Variants in TCF20 observed in about 807,000 individuals in gnomAD.
TCF20 encodes the protein transcription factor 20, also known as SPRE-binding protein.
Under a neutral mutation model 148.6 loss-of-function variants are expected in TCF20, and 3 were observed. That is an observed-to-expected ratio of 0.02 (90% confidence interval 0.01 to 0.05). The LOEUF (loss-of-function observed/expected upper bound fraction) is 0.05, where lower values mean the gene tolerates loss of function less well. Among genes scored for constraint, TCF20 ranks in the 10% least tolerant of loss-of-function variants. TCF20 has a pLI of 1.00. For synonymous variants in TCF20, 1,049 were observed against 909.5 expected (o/e 1.15, Z -2.76); for missense variants, 2,350 against 2,429.3 (o/e 0.97, Z 0.69).
At chr22:42,232,445 T>C (rs975092909) in intron 1 of TCF20, among the ~76,000 whole-genome samples, 1 of 150,998 alleles carries the variant, frequency 6.6e-6, no homozygotes, top group African/African-American at 2.4e-5. Context: ...GTGCCAGAGA[T>C]GAAAATTAGA....
chr22:42,278,269 C>A (rs1331680667), intron 1 of TCF20: 1 of 152,216 alleles, frequency 6.6e-6, no homozygotes, highest in African/African-American at 2.4e-5. Flanking sequence ...GCAGTTTCAT[C>A]TCACACGGGC....
intron 1 of TCF20, among the ~76,000 whole-genome samples, chr22:42,229,239 A>G (rs1476649129): frequency 6.6e-6 from 1 of 152,208 alleles, no homozygotes; most frequent in African/African-American, 2.4e-5. Context: ...AGAGATGTCC[A>G]TAATTATGGA....
intron 1 of TCF20, among the ~76,000 whole-genome samples, chr22:42,242,227 A>AAAAAAT (rs1491280192): frequency 0.036 from 4,457 of 122,464 alleles, 458 homozygotes; most frequent in African/African-American, 0.078. Flanking sequence ...AAAAAAAAAA[A>AAAAAAT]CAGAAAAGAA....
chr22:42,284,688 T>C (rs950256154), upstream of TCF20, among the ~76,000 whole-genome samples: 4 of 152,092 alleles, frequency 2.6e-5, no homozygotes, highest in Admixed American at 2.6e-4. Context: ...TTGTCCCAAG[T>C]CCCATCTCAG....
chr22:42,206,191 G>A (rs181027397), intron 2 of TCF20, among the ~76,000 whole-genome samples: 1 of 152,316 alleles, frequency 6.6e-6, no homozygotes, highest in East Asian at 1.9e-4. Flanking sequence ...ACTGGGCTGA[G>A]ATATGTTAAT....
chr22:42,223,764 GTTTGT>G (rs879773496), intron 1 of TCF20, among the ~76,000 whole-genome samples: 15 of 152,236 alleles, frequency 9.9e-5, no homozygotes, highest in Admixed American at 4.6e-4. Flanking sequence ...CACCTGTATC[GTTTGT>G]TTTGTGTATG....
rs543826971 is a variant in TCF20 at position 42,176,543 on chromosome 22, G to A, written c.5749+3066C>T. ...TCCTATGGACAGCGTGGCTGCCTCCGTGGACAGCCCTGCTTCTCTCCTGGG... is the reference window on the plus strand; with the variant it reads ...TCCTATGGACAGCGTGGCTGCCTCCATGGACAGCCCTGCTTCTCTCCTGGG... On this transcript the variant is annotated intron_variant, in intron 3 of 5. Coordinates refer to ENST00000677622, the MANE Select transcript of TCF20 (RefSeq NM_001378418.1). 1.8e-3 allele frequency among the ~76,000 whole-genome samples: 275 copies of A among 152,214 alleles called. 3 individuals carry two copies. The highest frequency in any genetic ancestry group is 3.5e-3 in the Non-Finnish European group (237 of 68,014).
At position 42,338,417 on chromosome 22, in the gene TCF20, G is replaced by T. The variant is rs971884424; in HGVS notation, c.-37+5062C>A. Among the ~76,000 whole-genome samples, 10 of 23,620 alleles carry T rather than the reference G, an allele frequency of 4.2e-4. No individual in the cohort carries two copies. The Admixed American group carries it at 5.1e-3, about 12-fold the overall frequency. 15.5% of individuals were successfully genotyped at this position (23,620 alleles called of 152,430 possible). On this transcript the variant is annotated intron_variant, in intron 1 of 1. Coordinates refer to the TCF20 transcript ENST00000515426. This position sits in a 1 kb window ranked among gnomAD's most constrained non-coding sequence, Gnocchi z 4.0. ...AAAGCTTAAATGGCAGCGCAGAGTC[G>T]GGAGGGGGGTGCCCAGGGGGCCTCA... is the stretch of plus-strand genomic sequence containing the variant.
At chr22:42,177,807 G>A (rs1276710204) in intron 3 of TCF20, among the ~76,000 whole-genome samples, 2 of 152,134 alleles carry the variant, frequency 1.3e-5, no homozygotes, top group Non-Finnish European at 2.9e-5. Flanking sequence ...GGTGCTAGGA[G>A]CATCTTTTCT....
intron 3 of TCF20, among the ~76,000 whole-genome samples, chr22:42,170,738 T>A (rs1272255708): frequency 1.3e-5 from 2 of 152,082 alleles, no homozygotes; most frequent in East Asian, 1.9e-4. Context: ...ATCTTTTCTA[T>A]ATTCCCACGA....
intron 1 of TCF20, among the ~76,000 whole-genome samples, chr22:42,257,287 A>AT (rs1925795951): frequency 6.6e-6 from 1 of 152,020 alleles, no homozygotes; most frequent in African/African-American, 2.4e-5. Context: ...TCCTGCTTAT[A>AT]TTTTCTCTGG....
In TCF20 at chr22:42,211,803, T is replaced by C. The variant is rs1256542131; in HGVS notation, c.3503A>G (p.Asp1168Gly). 1 of 1,614,150 alleles carries C rather than the reference T, an allele frequency of 6.2e-7. No individual in the cohort carries two copies. The highest frequency in any genetic ancestry group is 8.5e-7 in the Non-Finnish European group (1 of 1,180,028). Reference protein sequence around the residue: ...QEAGRCLMSSDGLPNKGMELK... With the variant: ...QEAGRCLMSSGGLPNKGMELK... ...TTCCATGCCCTTGTTAGGCAGACCATCACTAGACATTAGGCAGCGCCCAGC... is the reference window on the plus strand; with the variant it reads ...TTCCATGCCCTTGTTAGGCAGACCACCACTAGACATTAGGCAGCGCCCAGC... The change falls in exon 2 of 6, where the codon GAT becomes GGT. Residue 1168 changes from aspartate (D) to glycine (G), a missense_variant. Around this residue, in one of 7 missense-constraint regions of TCF20, gnomAD observed 1,641 missense variants for 1,662.6 expected, o/e 0.99. Transcript: ENST00000677622.
intron 1 of TCF20, among the ~76,000 whole-genome samples, chr22:42,236,623 G>C (rs1292214569): frequency 1.3e-5 from 2 of 152,082 alleles, no homozygotes; most frequent in Non-Finnish European, 2.9e-5. Context: ...CCTAACCCCA[G>C]TCATTCTGAA....
chr22:42,285,542 T>G (rs906620597), upstream of TCF20, among the ~76,000 whole-genome samples: 4 of 152,134 alleles, frequency 2.6e-5, no homozygotes, highest in African/African-American at 9.7e-5. This position sits in a 1 kb window ranked among gnomAD's most constrained non-coding sequence, Gnocchi z 4.2. Context: ...GATAAACTAC[T>G]ACTCAAAGAC....
chr22:42,219,355 C>CAAAAAAAAAAAAAAAA lies in TCF20; in HGVS notation c.-36-4030_-36-4015dup, dbSNP rs528664836. Among the ~76,000 whole-genome samples, 34 of 43,550 alleles carry CAAAAAAAAAAAAAAAA rather than the reference C, an allele frequency of 7.8e-4. 1 individual carries two copies. The highest frequency in any genetic ancestry group is 2.1e-3 in the African/African-American group (21 of 10,172). The allele number at this position is 43,550 out of a possible 152,430, so 28.6% of individuals were successfully genotyped here. On this transcript the variant is annotated intron_variant, in intron 1 of 5. Transcript: ENST00000677622. ...ACCCTGGGTGACAGTAACCCTGTCT[C>CAAAAAAAAAAAAAAAA]AAAAAAAAAAAAAAAAAAAAAAAAA...
intron 2 of TCF20, among the ~76,000 whole-genome samples, chr22:42,183,448 T>TC (rs1936879035): frequency 6.6e-6 from 1 of 152,184 alleles, no homozygotes; most frequent in African/African-American, 2.4e-5. Flanking sequence ...GTTACAGTTG[T>TC]CAGCTTCAGG....
intron 1 of TCF20, among the ~76,000 whole-genome samples, chr22:42,255,890 T>C (rs1160966830): frequency 1.3e-5 from 2 of 152,192 alleles, no homozygotes; most frequent in African/African-American, 2.4e-5. Context: ...ATTCCCACCT[T>C]GCTCTCATAC....
rs561155710 is a variant in TCF20 at position 42,236,962 on chromosome 22, T to C, written c.-36-21621A>G. On this transcript the variant is annotated intron_variant, in intron 1 of 5. Transcript: ENST00000677622. ...CTTCAGGGAGTCCTAATCTTTTTGC[T>C]GACGGAGGGTCTTGCCTCCATGTTG... Among the ~76,000 whole-genome samples, 8 of 152,340 alleles carry C rather than the reference T, an allele frequency of 5.3e-5. 1 individual carries two copies. The highest frequency in any genetic ancestry group is 4.8e-5 in the African/African-American group (2 of 41,582).
chr22:42,237,820 T>G (rs1924017769), intron 1 of TCF20, among the ~76,000 whole-genome samples: 1 of 152,200 alleles, frequency 6.6e-6, no homozygotes, highest in Non-Finnish European at 1.5e-5. Flanking sequence ...ATCTTTTGAG[T>G]AGTAGGTCTC....
Sources: gnomAD v4.1 joint callset for allele counts (sites outside exome capture counted in the v4.1 genomes callset) on GRCh38, gnomAD v4.1.1 for gene constraint, gnomAD v4.1.1 regional missense constraint, Gnocchi (gnomAD v3.1) non-coding constraint, MANE v1.5 for transcripts, NCBI Gene and HGNC (gene_info 2026-07-23, HGNC 2026-07-21) for gene names.